The following FILIP1 variants were observed in gnomAD, a reference collection of about 807,000 sequenced individuals.
FILIP1 encodes the protein filamin A interacting protein 1.
Under a neutral mutation model 102.1 loss-of-function variants are expected in FILIP1, and 61 were observed. The observed-to-expected ratio is 0.60, with a 90% CI of 0.49 to 0.74. The LOEUF is 0.74. FILIP1 is among the 30% of genes least tolerant of loss of function. The probability of loss-of-function intolerance (pLI) is 0.00; values close to 1 mark genes in which losing one functional copy is unlikely to be tolerated. For missense variants in FILIP1, 1,314 were observed against 1,441.2 expected (o/e 0.91, Z 1.43); for synonymous variants, 491 against 526.9 (o/e 0.93, Z 0.93).
chr6:75,481,180 C>T (rs1373424481), intron 1 of FILIP1, among the ~76,000 whole-genome samples: 1 of 152,168 alleles, frequency 6.6e-6, no homozygotes, highest in African/African-American at 2.4e-5. Flanking sequence ...CATTTACCCA[C>T]TAGTCACTTG....
chr6:75,369,438 A>G (rs1470133823), intron 2 of FILIP1, among the ~76,000 whole-genome samples: 1 of 152,230 alleles, frequency 6.6e-6, no homozygotes, highest in Non-Finnish European at 1.5e-5. Context: ...GCAGCCATAA[A>G]TGGGCTTATT....
At chr6:75,353,478 C>T (rs538118352) in intron 4 of FILIP1, 61 bp downstream of exon 4, 62 of 1,571,510 alleles carry the variant, frequency 3.9e-5, no homozygotes, top group Admixed American at 2.4e-4. Flanking sequence ...CCTGAAGGGA[C>T]GGGCAGACAT....
chr6:75,362,033 T>C (rs926531900), intron 3 of FILIP1: 5 of 152,244 alleles, frequency 3.3e-5, no homozygotes, highest in African/African-American at 1.2e-4. Flanking sequence ...TTCAGACTTT[T>C]AATTTCTGTT....
intron 4 of FILIP1, among the ~76,000 whole-genome samples, chr6:75,321,801 A>C (rs76473194): frequency 8.0e-6 from 1 of 124,274 alleles, no homozygotes; most frequent in Non-Finnish European, 1.8e-5. Flanking sequence ...ACTCCGTCTC[A>C]AAAAAAAAAA....
chr6:75,412,490 G>A (rs1257603205), intron 2 of FILIP1, among the ~76,000 whole-genome samples: 1 of 152,112 alleles, frequency 6.6e-6, no homozygotes, highest in Non-Finnish European at 1.5e-5. Context: ...TCCTTGTCTT[G>A]TGCCGGTTTT....
At chr6:75,340,441 T>C (rs1479592203) in intron 4 of FILIP1, among the ~76,000 whole-genome samples, 1 of 152,324 alleles carries the variant, frequency 6.6e-6, no homozygotes, top group South Asian at 2.1e-4. Flanking sequence ...AAGATGACTA[T>C]GATAATGGTC....
At chr6:75,481,541 A>C (rs1582569995) in intron 1 of FILIP1, among the ~76,000 whole-genome samples, 1 of 151,868 alleles carries the variant, frequency 6.6e-6, no homozygotes, top group Non-Finnish European at 1.5e-5. Flanking sequence ...ATGTGGACTG[A>C]CTCCCTGCCT....
intron 1 of FILIP1, among the ~76,000 whole-genome samples, chr6:75,456,603 A>G (rs1035371969): frequency 4.9e-4 from 70 of 144,112 alleles, no homozygotes; most frequent in African/African-American, 1.8e-3. Flanking sequence ...CTCTGTTGCC[A>G]GGCTGCAGTG....
At chr6:75,445,317 CTT>C (rs1179246974) in intron 1 of FILIP1, among the ~76,000 whole-genome samples, 1 of 152,076 alleles carries the variant, frequency 6.6e-6, no homozygotes, top group Non-Finnish European at 1.5e-5. Flanking sequence ...TCTTTATACT[CTT>C]TTCTCATCCT....
At chr6:75,444,217 TTGTGATACTTCAA>T (rs1465238474) in intron 1 of FILIP1, among the ~76,000 whole-genome samples, 2 of 152,224 alleles carry the variant, frequency 1.3e-5, no homozygotes, top group African/African-American at 4.8e-5. Flanking sequence ...ACTAAACAGG[TTGTGATACTTCAA>T]TGAGATTCAG....
intron 4 of FILIP1, among the ~76,000 whole-genome samples, chr6:75,340,096 T>C (rs1774372552): frequency 6.6e-6 from 1 of 152,158 alleles, no homozygotes; most frequent in Admixed American, 6.5e-5. Context: ...CAAAGGATGC[T>C]TCTAGTTACC....
Position 75,372,751 on chromosome 6 carries a change from A to G in FILIP1, c.277-9834T>C, listed in dbSNP as rs1310623839. The stretch of plus-strand genomic sequence containing the variant: ...AAGAGAAAGAAAGAAAGAAAGAAAG[A>G]AAGAAAGAAAGAAAGAAAGAAAGAA... On this transcript the variant is annotated intron_variant, in intron 2 of 5. Transcript: ENST00000237172. Among the ~76,000 whole-genome samples, 3 of 50,096 alleles carry G rather than the reference A, an allele frequency of 6.0e-5. 1 individual carries two copies. Among genetic ancestry groups the G allele is most frequent in the African/African-American group, 2.6e-4 (3 of 11,418 alleles). The allele number at this position is 50,096 out of a possible 152,430, so 32.9% of individuals were successfully genotyped here. A position where few individuals can be genotyped will look rare whatever the true frequency, so the allele number is the denominator to read the frequency against.
intron 1 of FILIP1, among the ~76,000 whole-genome samples, chr6:75,416,856 A>C (rs9447475): frequency 0.62 from 93,462 of 151,830 alleles, 28,848 homozygotes; most frequent in South Asian, 0.7. Context: ...TTCCCAAAGC[A>C]CAGGAAGTGC....
chr6:75,321,233 G>GT (rs770981383), intron 4 of FILIP1, among the ~76,000 whole-genome samples: 25 of 151,178 alleles, frequency 1.7e-4, no homozygotes, highest in African/African-American at 5.6e-4. Flanking sequence ...GTTTTGTTTT[G>GT]TTTTTTGTTT....
intron 2 of FILIP1, among the ~76,000 whole-genome samples, chr6:75,387,043 G>A (rs368270467): frequency 2.0e-5 from 3 of 151,678 alleles, no homozygotes; most frequent in Non-Finnish European, 4.4e-5. Context: ...AACAGGCCCC[G>A]GTGTGTGATG....
intron 1 of FILIP1, among the ~76,000 whole-genome samples, chr6:75,474,120 T>A (rs534540751): frequency 2.0e-5 from 3 of 152,188 alleles, no homozygotes; most frequent in African/African-American, 7.2e-5. Flanking sequence ...CAAATGGAAA[T>A]GGTTACCGTT....
chr6:75,452,768 A>T (rs1320027151), intron 1 of FILIP1, among the ~76,000 whole-genome samples: 1 of 152,226 alleles, frequency 6.6e-6, no homozygotes, highest in African/African-American at 2.4e-5. Flanking sequence ...CTCAGCAGTT[A>T]TTTTGGGTGG....
chr6:75,437,156 C>T (rs1289396401), intron 1 of FILIP1, among the ~76,000 whole-genome samples: 1 of 152,206 alleles, frequency 6.6e-6, no homozygotes, highest in Non-Finnish European at 1.5e-5. Flanking sequence ...GCATCATTTG[C>T]TGTGCCCGAT....
intron 2 of FILIP1, among the ~76,000 whole-genome samples, chr6:75,404,857 C>A (rs1247712460): frequency 6.6e-6 from 1 of 152,162 alleles, no homozygotes; most frequent in Non-Finnish European, 1.5e-5. Flanking sequence ...CTATATCCTC[C>A]AAGATGCTGT....
Sources: gnomAD v4.1 joint callset for allele counts (sites outside exome capture counted in the v4.1 genomes callset) on GRCh38, gnomAD v4.1.1 for gene constraint, MANE v1.5 for transcripts, NCBI Gene and HGNC (gene_info 2026-07-23, HGNC 2026-07-21) for gene names.